The following LRP1B variants were observed in gnomAD, a reference collection of about 807,000 sequenced individuals.
LRP1B encodes the protein low-density lipoprotein receptor-related protein 1B.
A neutral mutation model predicts 556.6 loss-of-function variants in LRP1B; 217 were observed. That is an observed-to-expected ratio of 0.39 (90% confidence interval 0.35 to 0.44). The LOEUF (loss-of-function observed/expected upper bound fraction) is 0.44, where lower values mean the gene tolerates loss of function less well. Among genes scored for constraint, LRP1B ranks in the 20% least tolerant of loss-of-function variants. The pLI, the probability that LRP1B is intolerant of heterozygous loss-of-function variation, is 1.00. For synonymous variants in LRP1B, 2,047 were observed against 1,865.8 expected (o/e 1.10, Z -2.50); for missense variants, 5,053 against 5,620.8 (o/e 0.90, Z 3.23).
At chr2:141,409,951 C>T (rs139039453) in intron 3 of LRP1B, among the ~76,000 whole-genome samples, 47 of 151,994 alleles carry the variant, frequency 3.1e-4, no homozygotes, top group African/African-American at 1.1e-3. Flanking sequence ...TAGATAGATG[C>T]ACTGAGTTCA....
intron 2 of LRP1B, among the ~76,000 whole-genome samples, chr2:141,694,847 T>G (rs945811167): frequency 6.6e-6 from 1 of 152,090 alleles, no homozygotes; most frequent in African/African-American, 2.4e-5. Flanking sequence ...ATTCCATTTC[T>G]GTCTTTTATT....
chr2:141,036,194 G>T (rs1251723515), intron 11 of LRP1B, among the ~76,000 whole-genome samples: 1 of 151,976 alleles, frequency 6.6e-6, no homozygotes, highest in Non-Finnish European at 1.5e-5. Flanking sequence ...ATTACTCTTT[G>T]TCAGAGCATG....
At chr2:141,513,929 A>G (rs1574032236) in intron 2 of LRP1B, among the ~76,000 whole-genome samples, 1 of 152,122 alleles carries the variant, frequency 6.6e-6, no homozygotes, top group South Asian at 2.1e-4. Flanking sequence ...GGAAGTATCC[A>G]CTGAATTCTT....
At chr2:141,968,967 T>C (rs974843213) in intron 1 of LRP1B, among the ~76,000 whole-genome samples, 8 of 151,666 alleles carry the variant, frequency 5.3e-5, no homozygotes, top group African/African-American at 1.9e-4. Flanking sequence ...TTTTTTTAAC[T>C]TTCTTTCAGT....
intron 3 of LRP1B, among the ~76,000 whole-genome samples, chr2:141,306,244 G>C (rs1686583341): frequency 6.6e-6 from 1 of 152,036 alleles, no homozygotes; most frequent in Non-Finnish European, 1.5e-5. Flanking sequence ...TTATATGTCT[G>C]GCAGAATTTG....
intron 3 of LRP1B, among the ~76,000 whole-genome samples, chr2:141,354,789 T>C (rs1466057552): frequency 6.6e-6 from 1 of 151,174 alleles, no homozygotes; most frequent in Non-Finnish European, 1.5e-5. Flanking sequence ...AAAAAAAAAC[T>C]GAAAAAAATT....
At chr2:141,887,066 G>T (rs1186600363) in intron 1 of LRP1B, among the ~76,000 whole-genome samples, 1 of 151,656 alleles carries the variant, frequency 6.6e-6, no homozygotes, top group Non-Finnish European at 1.5e-5. Flanking sequence ...TGGAATCTTG[G>T]CTCACTGCAA....
intron 63 of LRP1B, among the ~76,000 whole-genome samples, chr2:140,447,914 C>G (rs1331959854): frequency 6.6e-6 from 1 of 152,008 alleles, no homozygotes; most frequent in Admixed American, 6.6e-5. Context: ...AGAGAGGGAA[C>G]AGTGGGTTGG....
chr2:140,683,621 T>C, intron 41 of LRP1B: 4 of 699,280 alleles, frequency 5.7e-6, no homozygotes, highest in South Asian at 5.5e-5. Context: ...TTGTCCCTTC[T>C]CTCAGCTCCC....
chr2:141,429,880 C>T (rs923368150), intron 3 of LRP1B, among the ~76,000 whole-genome samples: 5 of 152,084 alleles, frequency 3.3e-5, no homozygotes, highest in African/African-American at 1.2e-4. Flanking sequence ...AGAAAGAAGC[C>T]TATTGACAAT....
chr2:141,634,867 G>T (rs1454435538), intron 2 of LRP1B, among the ~76,000 whole-genome samples: 1 of 151,834 alleles, frequency 6.6e-6, no homozygotes, highest in Non-Finnish European at 1.5e-5. Context: ...ATTTCTCATT[G>T]ACAGTAGAGA....
At chr2:141,960,364 C>T (rs1701366781) in intron 1 of LRP1B, among the ~76,000 whole-genome samples, 2 of 151,940 alleles carry the variant, frequency 1.3e-5, no homozygotes, top group Non-Finnish European at 2.9e-5. Context: ...CAAAGACTCT[C>T]ATTCCATTTT....
In LRP1B at chr2:141,815,898, G is replaced by C. The variant is rs1696529700; in HGVS notation, c.83-5497C>G. Among the ~76,000 whole-genome samples the C allele has an allele frequency of 1.3e-5, 2 of 151,816 alleles. 1 individual carries two copies. Among genetic ancestry groups the C allele is most frequent in the South Asian group, 4.2e-4 (2 of 4,812 alleles). On this transcript the variant is annotated intron_variant, in intron 1 of 90. Transcript: ENST00000389484. ...CAGCGAGACCGTGAACCCACCGGAA[G>C]GAACCAACTCTGGACACAGTAGAAC...
chr2:141,220,821 C>T (rs962395450), intron 6 of LRP1B, among the ~76,000 whole-genome samples: 1 of 148,098 alleles, frequency 6.8e-6, no homozygotes, highest in Admixed American at 6.7e-5. Context: ...ATCAGCCATA[C>T]TAAGCTTCAT....
chr2:141,873,499 G>A (rs1434806133), intron 1 of LRP1B, among the ~76,000 whole-genome samples: 1 of 151,846 alleles, frequency 6.6e-6, no homozygotes, highest in Admixed American at 6.6e-5. Context: ...GGAAAGTAAC[G>A]AAAACTGCAA....
chr2:140,234,105 T>TGTTTC lies in LRP1B; in HGVS notation c.13659+680_13659+681insGAAAC, dbSNP rs1337660306. Reference sequence around the variant, plus strand: ...GTCTTTCCAAAAACAGTACATTAAATCTTAGTTACAACAAGGAAACATTAT... The same window carrying TGTTTC: ...GTCTTTCCAAAAACAGTACATTAAATGTTTCCTTAGTTACAACAAGGAAACATTAT... On this transcript the variant is annotated intron_variant, in intron 90 of 90. Coordinates refer to ENST00000389484, the MANE Select transcript of LRP1B (RefSeq NM_018557.3). Among the ~76,000 whole-genome samples the TGTTTC allele has an allele frequency of 5.3e-5, 8 of 151,468 alleles. No homozygotes were observed. In the Admixed American group the frequency reaches 5.3e-4, roughly 10 times the overall value.
chr2:140,811,818 C>T (rs371275977), intron 32 of LRP1B, among the ~76,000 whole-genome samples: 3 of 152,030 alleles, frequency 2.0e-5, no homozygotes, highest in Non-Finnish European at 1.5e-5. Flanking sequence ...TGTAAAATAA[C>T]CTATTTGTCA....
chr2:141,388,035 G>A (rs376353515), intron 3 of LRP1B, among the ~76,000 whole-genome samples: 2 of 152,102 alleles, frequency 1.3e-5, no homozygotes, highest in Admixed American at 1.3e-4. Context: ...GAAAATCAAT[G>A]AAATATGTTT....
intron 76 of LRP1B, among the ~76,000 whole-genome samples, chr2:140,351,539 A>G (rs931473541): frequency 7.2e-5 from 11 of 152,130 alleles, no homozygotes; most frequent in Admixed American, 4.6e-4. Context: ...ACATAAAAAG[A>G]TATCAGTATT....
Sources: allele counts gnomAD v4.1 joint callset (sites outside exome capture counted in the v4.1 genomes callset), GRCh38; gene constraint gnomAD v4.1.1; transcripts MANE v1.5; gene names NCBI Gene and HGNC (gene_info 2026-07-23, HGNC 2026-07-21).